The following COPS3 variants were observed in gnomAD, a reference collection of about 807,000 sequenced individuals.
COPS3 encodes COP9 signalosome subunit 3.
Under a neutral mutation model 58.2 loss-of-function variants are expected in COPS3, and 10 were observed. The ratio of observed to expected loss-of-function variants is 0.17; its 90% CI spans 0.11 to 0.29. The LOEUF is 0.29. Ranked by LOEUF, COPS3 falls within the 10% of genes least tolerant of loss-of-function variation. The probability of loss-of-function intolerance (pLI) is 1.00; values close to 1 mark genes in which losing one functional copy is unlikely to be tolerated. For missense variants in COPS3, 333 were observed against 510.1 expected (o/e 0.65, Z 3.34); for synonymous variants, 187 against 181.7 (o/e 1.03, Z -0.24).
At chr17:17,266,574 G>A (rs1311385401) in intron 5 of COPS3, among the ~76,000 whole-genome samples, 6 of 152,022 alleles carry the variant, frequency 3.9e-5, no homozygotes, top group East Asian at 3.9e-4. Flanking sequence ...TGAGGTGGGC[G>A]GATCGCTTGA....
intron 2 of COPS3, among the ~76,000 whole-genome samples, chr17:17,273,783 T>C (rs959826884): frequency 6.6e-5 from 10 of 152,152 alleles, no homozygotes; most frequent in African/African-American, 2.4e-4. Flanking sequence ...GTCCATGAGA[T>C]TGAAGCTGCA....
intron 6 of COPS3, 49 bp from the exon 7 acceptor site, chr17:17,262,155 AAAC>A: frequency 6.5e-7 from 1 of 1,540,678 alleles, no homozygotes; most frequent in Non-Finnish European, 8.8e-7. Context: ...CCACAGTAGC[AAAC>A]AACAATCAAC....
At chr17:17,280,508 C>G (rs2048554011) in intron 1 of COPS3, 1 of 1,182,808 alleles carries the variant, frequency 8.5e-7, no homozygotes, top group South Asian at 1.5e-5. Flanking sequence ...TGCAGTGAGC[C>G]GAGATCGCGC....
chr17:17,274,050 C>A (rs1638591082), intron 2 of COPS3, among the ~76,000 whole-genome samples: 1 of 152,152 alleles, frequency 6.6e-6, no homozygotes, highest in South Asian at 2.1e-4. Context: ...TTTATACACA[C>A]ATAAACTCAC....
chr17:17,252,762 CT>C (rs1287315507), intron 9 of COPS3, among the ~76,000 whole-genome samples: 2 of 152,138 alleles, frequency 1.3e-5, no homozygotes, highest in African/African-American at 4.8e-5. Flanking sequence ...GAGGGAATTT[CT>C]TGGGGAAAGC....
chr17:17,273,769 T>C (rs1413053824), intron 2 of COPS3, among the ~76,000 whole-genome samples: 2 of 152,220 alleles, frequency 1.3e-5, no homozygotes, highest in African/African-American at 4.8e-5. Flanking sequence ...GGAAGATCAC[T>C]TGAGTCCATG....
intron 8 of COPS3, among the ~76,000 whole-genome samples, chr17:17,259,402 C>T (rs770654318): frequency 1.3e-5 from 2 of 152,172 alleles, no homozygotes; most frequent in African/African-American, 2.4e-5. Flanking sequence ...ACTGTTTGAA[C>T]GTTTGACATT....
At chr17:17,253,084 G>A (rs998348229) in intron 9 of COPS3, among the ~76,000 whole-genome samples, 3 of 152,004 alleles carry the variant, frequency 2.0e-5, no homozygotes, top group Non-Finnish European at 2.9e-5. Context: ...AAATTAGCTG[G>A]GTGTGGTGGC....
chr17:17,247,087 G>T lies in COPS3; in HGVS notation c.*11C>A. On this transcript the variant is annotated 3_prime_UTR_variant, in exon 12 of 12. Coordinates refer to ENST00000268717, the MANE Select transcript of COPS3 (RefSeq NM_003653.4). ...TAGTTTCTCTTGTTTAGCTCAGGAT[G>T]GATGTTAGTTTCAAGAATAACTGGA... 1.2e-6 allele frequency: 2 copies of T among 1,611,808 alleles called. No homozygotes were observed. Among genetic ancestry groups the T allele is most frequent in the South Asian group, 1.1e-5 (1 of 91,016 alleles).
chr17:17,259,753 G>A (rs554832440), intron 8 of COPS3, among the ~76,000 whole-genome samples: 12 of 152,228 alleles, frequency 7.9e-5, no homozygotes, highest in Middle Eastern at 3.4e-3. Flanking sequence ...AATTAGCTGG[G>A]CGTGGTGGCT....
chr17:17,279,279 A>G (rs966944312), intron 1 of COPS3, among the ~76,000 whole-genome samples: 1 of 152,194 alleles, frequency 6.6e-6, no homozygotes, highest in Non-Finnish European at 1.5e-5. Flanking sequence ...ATAGCATCCT[A>G]TAACCTGAAG....
chr17:17,269,318 G>C (rs2145238291), intron 4 of COPS3, among the ~76,000 whole-genome samples: 1 of 152,270 alleles, frequency 6.6e-6, no homozygotes, highest in East Asian at 1.9e-4. Flanking sequence ...CCAGCTACTT[G>C]GGAGGCTGAG....
chr17:17,255,755 G>A (rs9901894), intron 8 of COPS3, among the ~76,000 whole-genome samples: 75,701 of 150,438 alleles, frequency 0.5, 19,484 homozygotes, highest in East Asian at 0.62. Flanking sequence ...CAGGATAATC[G>A]CTTAAACTTG....
intron 8 of COPS3, among the ~76,000 whole-genome samples, chr17:17,255,945 G>A (rs943424745): frequency 6.6e-6 from 1 of 151,380 alleles, no homozygotes; most frequent in Admixed American, 6.6e-5. Flanking sequence ...CCAGGCGAGT[G>A]GATCACGAGG....
At position 17,252,332 on chromosome 17, in the gene COPS3, G is replaced by A. The variant is rs7225496; in HGVS notation, c.1023+2527C>T. Among the ~76,000 whole-genome samples the A allele has an allele frequency of 2.4e-3, 263 of 110,306 alleles. 1 individual carries two copies. The highest frequency in any genetic ancestry group is 0.02 in the Middle Eastern group (4 of 198). The allele number at this position is 110,306 out of a possible 152,430, so 72.4% of individuals were successfully genotyped here. ...AGCCTGGCAGTCCTGACATTTGGGG[G>A]CAGATAACGCTTTGGTGTGTGGGCT... On this transcript the variant is annotated intron_variant, in intron 9 of 11. Coordinates refer to ENST00000268717, the MANE Select transcript of COPS3 (RefSeq NM_003653.4).
At chr17:17,255,011 G>A (rs967875707) in intron 8 of COPS3, 66 bp from the exon 9 acceptor site, 6 of 1,174,970 alleles carry the variant, frequency 5.1e-6, no homozygotes, top group Non-Finnish European at 7.6e-6. Context: ...TATTAAATGT[G>A]TACAGAGCGG....
At chr17:17,262,892 G>A (rs1449212986) in intron 6 of COPS3, among the ~76,000 whole-genome samples, 7 of 151,676 alleles carry the variant, frequency 4.6e-5, no homozygotes, top group African/African-American at 1.7e-4. Context: ...CACCACGCCT[G>A]GCCACTTTCT....
chr17:17,264,955 C>A lies in COPS3; in HGVS notation c.468G>T (p.Lys156Asn). The part of the protein sequence containing the change: ...CQLCLLAKCF[K>N]PALPYLDVDM... Reference sequence around the variant, plus strand: ...CCACGTCAAGATATGGAAGGGCAGGCTTAAAGCATTTTGCTAGCAAACAAA... The same window carrying A: ...CCACGTCAAGATATGGAAGGGCAGGATTAAAGCATTTTGCTAGCAAACAAA... The change falls in exon 6 of 12, where the codon AAG becomes AAT. Residue 156 changes from lysine (K) to asparagine (N), a missense_variant. Lys to Asn is a moderately conservative substitution (Grantham distance 94, BLOSUM62 0). Transcript: ENST00000268717. 2.5e-6 allele frequency: 4 copies of A among 1,612,336 alleles called. No individual in the cohort carries two copies. The highest frequency in any genetic ancestry group is 3.4e-6 in the Non-Finnish European group (4 of 1,179,706).
At chr17:17,260,719 C>T (rs2048075146) in intron 7 of COPS3, 1 of 256,214 alleles carries the variant, frequency 3.9e-6, no homozygotes, top group Non-Finnish European at 7.6e-6. Context: ...AAGAGAATCG[C>T]TTGAACCCAG....
Sources: allele counts gnomAD v4.1 joint callset (sites outside exome capture counted in the v4.1 genomes callset), GRCh38; gene constraint gnomAD v4.1.1; transcripts MANE v1.5; gene names NCBI Gene and HGNC (gene_info 2026-07-23, HGNC 2026-07-21).